The following DISC1 variants were observed in gnomAD, a reference collection of about 807,000 sequenced individuals.
DISC1 encodes the protein disrupted in schizophrenia 1 protein.
DISC1 carries 57 observed loss-of-function variants against 84.5 expected under a neutral mutation model. The ratio of observed to expected loss-of-function variants is 0.67; its 90% CI spans 0.55 to 0.84. The LOEUF is 0.84. DISC1 is among the 40% of genes least tolerant of loss of function. The pLI is 0.00. For missense variants in DISC1, 1,000 were observed against 1,057.8 expected (o/e 0.95, Z 0.76); for synonymous variants, 411 against 415.2 (o/e 0.99, Z 0.12).
chr1:231,818,720 A>G (rs1220441441), intron 9 of DISC1: 1 of 1,416,928 alleles, frequency 7.1e-7, no homozygotes, highest in Non-Finnish European at 9.2e-7. Flanking sequence ...TCATATTCAC[A>G]TGTGACATCT....
At chr1:231,759,858 G>A (rs2075501025) in intron 4 of DISC1, among the ~76,000 whole-genome samples, 1 of 152,172 alleles carries the variant, frequency 6.6e-6, no homozygotes, top group Non-Finnish European at 1.5e-5. Context: ...GCCTCAATAA[G>A]AGAAGGGAGA....
At chr1:231,878,087 GTTCA>G (rs2086025692) in intron 9 of DISC1, among the ~76,000 whole-genome samples, 2 of 152,170 alleles carry the variant, frequency 1.3e-5, no homozygotes. Context: ...CCTTAAAACA[GTTCA>G]TTCTTTTATT....
chr1:232,027,251 T>C (rs754448232), intron 12 of DISC1, among the ~76,000 whole-genome samples: 3 of 152,224 alleles, frequency 2.0e-5, no homozygotes, highest in Non-Finnish European at 4.4e-5. Context: ...CTGAATTTCT[T>C]TATCTAGCAA....
intron 9 of DISC1, among the ~76,000 whole-genome samples, chr1:231,840,883 TACA>T (rs1318806358): frequency 6.6e-6 from 1 of 152,158 alleles, no homozygotes; most frequent in African/African-American, 2.4e-5. Context: ...CATAGAACTG[TACA>T]ACAAGTGAAT....
At chr1:231,750,500 T>C (rs1237865671) in intron 4 of DISC1, 1 of 996,282 alleles carries the variant, frequency 1.0e-6, no homozygotes, top group African/African-American at 1.7e-5. Context: ...CTCCAGCTCC[T>C]GAGCAACATT....
At chr1:231,988,349 G>T (rs950449164) in intron 10 of DISC1, among the ~76,000 whole-genome samples, 8 of 152,142 alleles carry the variant, frequency 5.3e-5, no homozygotes, top group Non-Finnish European at 2.9e-5. Flanking sequence ...GTGATTCATA[G>T]GCACGTTAAT....
chr1:231,750,079 G>A lies in DISC1; in HGVS notation c.1268+3G>A, dbSNP rs1328632872. 1.2e-6 allele frequency: 2 copies of A among 1,612,598 alleles called. No individual in the cohort carries two copies. Among genetic ancestry groups the A allele is most frequent in the African/African-American group, 2.7e-5 (2 of 74,844 alleles). ...TTGCGCCGTGGGGCCACTCAGCAGT[G>A]AGTACTTGTTATTGTCACCATTTTC... On this transcript the variant is annotated splice_donor_region_variant and intron_variant, in intron 4 of 12. Transcript: ENST00000439617.
In DISC1 at chr1:231,838,622, C is replaced by T. The variant is rs114822521; in HGVS notation, c.1981+20105C>T. ...GTTAACATTGGGTGAATGTCCCTGT[C>T]GTCATCTTGCATTATATCTCACGTT... is the stretch of plus-strand genomic sequence containing the variant. On this transcript the variant is annotated intron_variant, in intron 9 of 12. Transcript: ENST00000439617. Among the ~76,000 whole-genome samples, 1,050 of 152,304 alleles carry T rather than the reference C, an allele frequency of 6.9e-3. 8 individuals carry two copies. Among genetic ancestry groups the T allele is most frequent in the Middle Eastern group, 0.054 (16 of 294 alleles).
chr1:231,894,007 G>A (rs1173150160), intron 9 of DISC1, among the ~76,000 whole-genome samples: 1 of 152,198 alleles, frequency 6.6e-6, no homozygotes, highest in Non-Finnish European at 1.5e-5. Flanking sequence ...ACCAGCATGT[G>A]TATACTAGTT....
At chr1:231,956,710 G>A (rs1659570555) in intron 9 of DISC1, among the ~76,000 whole-genome samples, 1 of 152,198 alleles carries the variant, frequency 6.6e-6, no homozygotes, top group Non-Finnish European at 1.5e-5. Flanking sequence ...ACAGGGTATA[G>A]TGGGGGGGAC....
At chr1:231,981,231 A>G (rs528364968) in intron 10 of DISC1, among the ~76,000 whole-genome samples, 18 of 152,370 alleles carry the variant, frequency 1.2e-4, no homozygotes, top group Non-Finnish European at 1.9e-4. Flanking sequence ...GGTATGAGCC[A>G]CTGTGCCTGG....
At chr1:232,016,204 G>C (rs1668479186) in intron 11 of DISC1, among the ~76,000 whole-genome samples, 1 of 152,176 alleles carries the variant, frequency 6.6e-6, no homozygotes, top group Non-Finnish European at 1.5e-5. Flanking sequence ...GAAACACTTA[G>C]AGTTCAAATT....
intron 8 of DISC1, among the ~76,000 whole-genome samples, chr1:231,811,961 G>A (rs968311683): frequency 6.6e-6 from 1 of 152,184 alleles, no homozygotes; most frequent in South Asian, 2.1e-4. Flanking sequence ...TCCAAGTAAT[G>A]AGAGCATTGT....
chr1:231,855,186 ACT>A (rs2084182809), intron 9 of DISC1: 1 of 1,011,880 alleles, frequency 9.9e-7, no homozygotes, highest in African/African-American at 1.7e-5. Context: ...TGTGAATGAC[ACT>A]TTTGAAAACT....
intron 9 of DISC1, among the ~76,000 whole-genome samples, chr1:231,851,719 G>A (rs1390960168): frequency 1.3e-5 from 2 of 152,174 alleles, no homozygotes; most frequent in Admixed American, 6.5e-5. Flanking sequence ...GGACAGAAGG[G>A]CAGCCAGGCT....
At chr1:231,952,090 CA>C (rs11392611) in intron 9 of DISC1, among the ~76,000 whole-genome samples, 1,607 of 54,250 alleles carry the variant, frequency 0.03, 8 homozygotes, top group African/African-American at 0.063. Context: ...CTCAATGTCT[CA>C]AAAAAAAAAA....
intron 10 of DISC1, among the ~76,000 whole-genome samples, chr1:231,964,333 G>A (rs1007825318): frequency 6.6e-5 from 10 of 152,164 alleles, no homozygotes; most frequent in South Asian, 2.1e-4. Flanking sequence ...CCATGCTGAC[G>A]TTGCAAAGCC....
chr1:231,933,647 A>G (rs1240376049), intron 9 of DISC1, among the ~76,000 whole-genome samples: 1 of 152,172 alleles, frequency 6.6e-6, no homozygotes, highest in East Asian at 1.9e-4. Context: ...CTGATTTTTA[A>G]AAGGACATTG....
At chr1:231,840,769 G>A (rs571205075) in intron 9 of DISC1, among the ~76,000 whole-genome samples, 13 of 151,894 alleles carry the variant, frequency 8.6e-5, no homozygotes, top group African/African-American at 2.2e-4. Context: ...GTGCAGTGGC[G>A]CGATCTCAGC....
Sources: allele counts gnomAD v4.1 joint callset (sites outside exome capture counted in the v4.1 genomes callset), GRCh38; gene constraint gnomAD v4.1.1; transcripts MANE v1.5; gene names NCBI Gene and HGNC (gene_info 2026-07-23, HGNC 2026-07-21).